The following HSPA4L variants were observed in gnomAD, a reference collection of about 807,000 sequenced individuals.
The protein encoded by HSPA4L is heat shock 70 kDa protein 4L.
In HSPA4L, 48 loss-of-function variants were observed where a neutral mutation model predicts 100.3. The ratio of observed to expected loss-of-function variants is 0.48; its 90% CI spans 0.38 to 0.61. The LOEUF is 0.61. Among genes scored for constraint, HSPA4L ranks in the 20% least tolerant of loss-of-function variants. The pLI, the probability that HSPA4L is intolerant of heterozygous loss-of-function variation, is 0.00. For synonymous variants in HSPA4L, 319 were observed against 328.2 expected (o/e 0.97, Z 0.30); for missense variants, 886 against 988.6 (o/e 0.90, Z 1.39).
At chr4:127,828,538 A>G (rs1386568087) in intron 17 of HSPA4L, among the ~76,000 whole-genome samples, 1 of 152,156 alleles carries the variant, frequency 6.6e-6, no homozygotes, top group African/African-American at 2.4e-5. Flanking sequence ...TGACATCAAT[A>G]TACAAATTCC....
intron 1 of HSPA4L, among the ~76,000 whole-genome samples, chr4:127,783,277 C>T (rs1732618101): frequency 6.6e-6 from 1 of 151,708 alleles, no homozygotes; most frequent in African/African-American, 2.4e-5. Context: ...GTTTACAGGG[C>T]CAGGTCAATG....
At chr4:127,812,096 G>A (rs1733546585) in intron 12 of HSPA4L, among the ~76,000 whole-genome samples, 1 of 152,068 alleles carries the variant, frequency 6.6e-6, no homozygotes, top group Admixed American at 6.5e-5. Context: ...GGAATGTGCT[G>A]TACATTCAGT....
At chr4:127,802,490 T>C (rs1733217390) in intron 6 of HSPA4L, among the ~76,000 whole-genome samples, 1 of 152,206 alleles carries the variant, frequency 6.6e-6, no homozygotes. Context: ...ATTACTATAA[T>C]AGCATCTTTG....
At chr4:127,804,212 G>A (rs898997181) in intron 8 of HSPA4L, 125 bp downstream of exon 8, 6 of 715,830 alleles carry the variant, frequency 8.4e-6, no homozygotes, top group African/African-American at 3.6e-5. Flanking sequence ...CTCATTTTAG[G>A]GAAGGAGATT....
At chr4:127,819,036 A>G (rs1393242057) in intron 13 of HSPA4L, among the ~76,000 whole-genome samples, 1 of 152,198 alleles carries the variant, frequency 6.6e-6, no homozygotes, top group African/African-American at 2.4e-5. Context: ...CTTAACTTTA[A>G]GTGAAAAAAA....
intron 1 of HSPA4L, among the ~76,000 whole-genome samples, chr4:127,784,577 T>C (rs1216739555): frequency 6.6e-6 from 1 of 152,228 alleles, no homozygotes; most frequent in Non-Finnish European, 1.5e-5. Context: ...TGAAAGGATA[T>C]TCTCACTTAG....
chr4:127,796,222 G>A (rs1258488481), intron 3 of HSPA4L, among the ~76,000 whole-genome samples: 1 of 152,030 alleles, frequency 6.6e-6, no homozygotes, highest in African/African-American at 2.4e-5. Context: ...TCAGAAGAAT[G>A]GACCCAAAAA....
In HSPA4L at chr4:127,818,225, T is replaced by C. The variant is rs35335663; in HGVS notation, c.1579-100T>C. 17 of 684,632 alleles carry C rather than the reference T, an allele frequency of 2.5e-5. No individual in the cohort carries two copies. In the African/African-American group the frequency reaches 3.1e-4, roughly 12 times the overall value. 42.4% of individuals were successfully genotyped at this position (684,632 alleles called of 1,614,324 possible). The stretch of plus-strand genomic sequence containing the variant: ...GCTTCTACTTAACTGTTTCTACATT[T>C]TACATTTCAAAACAGGCTTGAACTC... On this transcript the variant is annotated intron_variant, in intron 12 of 18. Coordinates refer to ENST00000296464, the MANE Select transcript of HSPA4L (RefSeq NM_014278.4).
chr4:127,809,200 C>G, intron 11 of HSPA4L: 2 of 1,196,820 alleles, frequency 1.7e-6, no homozygotes, highest in Non-Finnish European at 1.2e-6. Context: ...ACAAGGTTTT[C>G]AAAACAAGTT....
rs1266703140 is a variant in HSPA4L, at chr4:127,811,630, T to C, written c.1572T>C (p.Asp524=). 1 of 1,605,182 alleles carries C rather than the reference T, an allele frequency of 6.2e-7. No individual in the cohort carries two copies. Among genetic ancestry groups the C allele is most frequent in the Admixed American group, 1.7e-5 (1 of 59,940 alleles). Residue 524 remains aspartate (D), a synonymous_variant, in exon 12 of 19, where the codon GAT becomes GAC. Coordinates refer to ENST00000296464, the MANE Select transcript of HSPA4L (RefSeq NM_014278.4). ...TETSFKNENK[D]NMDKMQVDQE... ...CTTCATTTAAAAATGAAAACAAAGATAATATGGTATGTAGAAATTCTTTCT... is the reference window on the plus strand; with the variant it reads ...CTTCATTTAAAAATGAAAACAAAGACAATATGGTATGTAGAAATTCTTTCT...
intron 2 of HSPA4L, among the ~76,000 whole-genome samples, chr4:127,794,651 C>T (rs1277984132): frequency 6.6e-6 from 1 of 152,004 alleles, no homozygotes; most frequent in African/African-American, 2.4e-5. Flanking sequence ...TTTCCTTGGA[C>T]TTTCATTACC....
intron 1 of HSPA4L, among the ~76,000 whole-genome samples, chr4:127,783,847 G>A (rs1314825326): frequency 1.3e-5 from 2 of 152,220 alleles, no homozygotes; most frequent in Non-Finnish European, 2.9e-5. Context: ...ACTTGAAGCA[G>A]TCTGTGCTTT....
At chr4:127,813,834 CG>C (rs1474860303) in intron 12 of HSPA4L, among the ~76,000 whole-genome samples, 1 of 152,010 alleles carries the variant, frequency 6.6e-6, no homozygotes, top group African/African-American at 2.4e-5. Context: ...TTAGTGGAGA[CG>C]GGGTTTCACT....
chr4:127,782,258 T>C (rs1306958728), upstream of HSPA4L: 1 of 421,936 alleles, frequency 2.4e-6, no homozygotes, highest in Admixed American at 3.8e-5. Context: ...CTCGCGCGCC[T>C]CCCGGGCAGC....
chr4:127,801,980 A>G (rs945729130), intron 6 of HSPA4L, 62 bp downstream of exon 6: 24 of 1,371,450 alleles, frequency 1.7e-5, no homozygotes, highest in Non-Finnish European at 2.2e-5. Context: ...AAGAACCGTA[A>G]TAGCTGGGTT....
rs1734242696 is a variant in HSPA4L at position 127,837,571 on chromosome 4, T to C, written c.*4697T>C. On this transcript the variant is annotated 3_prime_UTR_variant, in exon 19 of 19. Coordinates refer to ENST00000296464, the MANE Select transcript of HSPA4L (RefSeq NM_014278.4). ...GCAGTCAGTTTCAGAAGATACTTTT[T>C]ATCAAAAAAGATGGCAGGTTTAACA... 2 of 152,212 alleles carry C rather than the reference T, an allele frequency of 1.3e-5. No homozygotes were observed. The highest frequency in any genetic ancestry group is 1.5e-5 in the Non-Finnish European group (1 of 68,030). The allele number at this position is 152,212 out of a possible 1,614,324, so 9.4% of individuals were successfully genotyped here. A position where few individuals can be genotyped will look rare whatever the true frequency, so the allele number is the denominator to read the frequency against.
chr4:127,785,212 A>G (rs1332227582), intron 1 of HSPA4L, among the ~76,000 whole-genome samples: 1 of 152,250 alleles, frequency 6.6e-6, no homozygotes, highest in African/African-American at 2.4e-5. Context: ...CATCTCCTGC[A>G]TAAGTTGAAG....
At chr4:127,798,467 T>G in intron 3 of HSPA4L, 120 bp from the exon 4 acceptor site, 1 of 909,274 alleles carries the variant, frequency 1.1e-6, no homozygotes, top group South Asian at 1.8e-5. Flanking sequence ...GGAATAAAAC[T>G]TCCTTGAGCA....
intron 10 of HSPA4L, among the ~76,000 whole-genome samples, chr4:127,806,949 T>C (rs892316679): frequency 1.3e-5 from 2 of 152,000 alleles, no homozygotes; most frequent in East Asian, 3.8e-4. Context: ...ATTTTTCACC[T>C]GTCTGCCCCA....
Sources: allele counts gnomAD v4.1 joint callset (sites outside exome capture counted in the v4.1 genomes callset), GRCh38; gene constraint gnomAD v4.1.1; transcripts MANE v1.5; gene names NCBI Gene and HGNC (gene_info 2026-07-23, HGNC 2026-07-21).